Variants in WWTR1 observed in about 807,000 individuals in gnomAD.
The protein encoded by WWTR1 is WW domain containing transcription regulator 1.
WWTR1 carries 13 observed loss-of-function variants against 40.1 expected under a neutral mutation model. The observed-to-expected ratio is 0.32, with a 90% CI of 0.21 to 0.52. The LOEUF (loss-of-function observed/expected upper bound fraction) is 0.52. Ranked by LOEUF, WWTR1 falls within the 20% of genes least tolerant of loss-of-function variation. The pLI is 0.97. For synonymous variants in WWTR1, 230 were observed against 210.1 expected (o/e 1.09, Z -0.82); for missense variants, 436 against 523.1 (o/e 0.83, Z 1.63).
At chr3:149,685,377 A>C (rs1451799967) in intron 1 of WWTR1, among the ~76,000 whole-genome samples, 1 of 152,242 alleles carries the variant, frequency 6.6e-6, no homozygotes, top group Non-Finnish European at 1.5e-5. Flanking sequence ...TGCTGAGAGA[A>C]GCAGAAATGA....
At chr3:149,562,600 GACACACACACACACACACACAC>G (rs60366789) in intron 3 of WWTR1, among the ~76,000 whole-genome samples, 7 of 135,820 alleles carry the variant, frequency 5.2e-5, no homozygotes, top group African/African-American at 1.7e-4. Flanking sequence ...TTAAAATACA[GACACACACACACACACACACAC>G]ACACACACAC....
chr3:149,665,108 C>G (rs1435513009), intron 2 of WWTR1, among the ~76,000 whole-genome samples: 1 of 151,816 alleles, frequency 6.6e-6, no homozygotes, highest in Non-Finnish European at 1.5e-5. Context: ...TAAAAATACA[C>G]TTTTGAAAAG....
intron 6 of WWTR1, 100 bp from the exon 7 acceptor site, chr3:149,521,089 A>G: frequency 3.8e-6 from 5 of 1,324,550 alleles, no homozygotes; most frequent in Non-Finnish European, 5.1e-6. Context: ...CATGTCTTCA[A>G]CTACCACATT....
chr3:149,636,884 A>C (rs1377641456), intron 2 of WWTR1, among the ~76,000 whole-genome samples: 2 of 149,930 alleles, frequency 1.3e-5, no homozygotes, highest in South Asian at 4.3e-4. Context: ...GAATCACTTG[A>C]ACCCAGGGGG....
chr3:149,636,225 T>A (rs1348806252), intron 2 of WWTR1, among the ~76,000 whole-genome samples: 2 of 152,240 alleles, frequency 1.3e-5, no homozygotes, highest in Non-Finnish European at 2.9e-5. Flanking sequence ...TTCTGACATC[T>A]CTGTACTCAC....
At chr3:149,543,455 G>A (rs1241563826) in intron 3 of WWTR1, among the ~76,000 whole-genome samples, 1 of 151,574 alleles carries the variant, frequency 6.6e-6, no homozygotes, top group African/African-American at 2.4e-5. Context: ...GATGGTGCAT[G>A]CGTGTAGTCC....
chr3:149,542,795 G>A (rs1449681462), intron 3 of WWTR1, among the ~76,000 whole-genome samples: 1 of 152,124 alleles, frequency 6.6e-6, no homozygotes, highest in East Asian at 1.9e-4. Context: ...CCTGTCTAGA[G>A]TACATTTTAA....
At chr3:149,667,731 T>C (rs1447849896) in intron 2 of WWTR1, among the ~76,000 whole-genome samples, 3 of 152,108 alleles carry the variant, frequency 2.0e-5, no homozygotes, top group African/African-American at 7.2e-5. Context: ...TAGGACTACA[T>C]GGGCACTAAC....
rs1033117861 is a variant in WWTR1, at chr3:149,720,650, C to CA, written n.460-3085dup. On this transcript the variant is annotated intron_variant and non_coding_transcript_variant, in intron 4 of 6. Transcript: ENST00000474080. ...ATTAAGATTTGTTTTCCTATTTTTG[C>CA]AAAAAAAAAACCTACTTGTTTGATA... 1.4e-3 allele frequency among the ~76,000 whole-genome samples: 203 copies of CA among 144,336 alleles called. 1 individual carries two copies. Among genetic ancestry groups the CA allele is most frequent in the African/African-American group, 3.8e-3 (149 of 39,488 alleles). The allele number at this position is 144,336 out of a possible 152,430, so 94.7% of individuals were successfully genotyped here.
intron 2 of WWTR1, among the ~76,000 whole-genome samples, chr3:149,592,840 T>A (rs1738797520): frequency 6.6e-6 from 1 of 152,114 alleles, no homozygotes; most frequent in African/African-American, 2.4e-5. Context: ...CTCCTCTCCA[T>A]CCCTTTGAAA....
chr3:149,724,499 TAA>T lies in WWTR1; in HGVS notation n.323+201_323+202del, dbSNP rs11382942. 3.3e-4 allele frequency among the ~76,000 whole-genome samples: 48 copies of T among 146,426 alleles called. No homozygotes were observed. In the Middle Eastern group the frequency reaches 0.011, roughly 32 times the overall value. On this transcript the variant is annotated intron_variant and non_coding_transcript_variant, in intron 3 of 6. Coordinates refer to the WWTR1 transcript ENST00000474080. ...CGTCCACCCTACCCCCCAGACTCCT[TAA>T]AAAAAAAAAAAGGCAGTTTTTAATC...
intron 2 of WWTR1, among the ~76,000 whole-genome samples, chr3:149,633,884 G>A (rs982095167): frequency 1.3e-5 from 2 of 152,124 alleles, no homozygotes; most frequent in Non-Finnish European, 2.9e-5. Context: ...AGAGGTTTAG[G>A]AACCAGGCAG....
upstream of WWTR1, among the ~76,000 whole-genome samples, chr3:149,704,294 T>C (rs1173951902): frequency 6.6e-6 from 1 of 152,090 alleles, no homozygotes; most frequent in Non-Finnish European, 1.5e-5. Context: ...AGCTAAAAAA[T>C]AGGATACTTT....
intron 2 of WWTR1, among the ~76,000 whole-genome samples, chr3:149,604,875 T>TG: frequency 6.6e-6 from 1 of 152,324 alleles, no homozygotes; most frequent in Admixed American, 6.5e-5. Flanking sequence ...AGCCATACGT[T>TG]CTGCATTCTT....
intron 2 of WWTR1, among the ~76,000 whole-genome samples, chr3:149,575,152 G>A (rs1452415688): frequency 2.0e-5 from 3 of 151,928 alleles, no homozygotes; most frequent in Admixed American, 1.3e-4. Flanking sequence ...ATTTCCCTAA[G>A]TATAAAGTAA....
intron 1 of WWTR1, among the ~76,000 whole-genome samples, chr3:149,689,380 C>CAAAAAAAAAAAAAAAAAAAAAACA (rs3044083): frequency 2.7e-5 from 1 of 36,696 alleles, no homozygotes; most frequent in Non-Finnish European, 4.5e-5. Context: ...GAACCTATCT[C>CAAAAAAAAAAAAAAAAAAAAAACA]AAAAAAAAAA....
intron 3 of WWTR1, among the ~76,000 whole-genome samples, chr3:149,571,199 ATTTTTTTTTCTTTTCTTTTT>A (rs1737605884): frequency 7.3e-6 from 1 of 137,804 alleles, no homozygotes; most frequent in African/African-American, 2.7e-5. Context: ...AAGTGTTTGA[ATTTTTTTTTCTTTTCTTTTT>A]TTTTTTTTTT....
Position 149,572,853 on chromosome 3 carries a change from T to G in WWTR1, c.568+11A>C, listed in dbSNP as rs759760872. ...ATATCTTTTTTAATTTTAAAAAAGC[T>G]TGAGGCTTACCGAGATTTGGCTGGG... On this transcript the variant is annotated intron_variant, in intron 3 of 6. Coordinates refer to ENST00000360632, the MANE Select transcript of WWTR1 (RefSeq NM_015472.6). The G allele has an allele frequency of 1.9e-6, 3 of 1,613,346 alleles. No individual in the cohort carries two copies. Among genetic ancestry groups the G allele is most frequent in the Non-Finnish European group, 2.5e-6 (3 of 1,179,910 alleles).
At chr3:149,598,177 T>C (rs749401827) in intron 2 of WWTR1, among the ~76,000 whole-genome samples, 8 of 152,154 alleles carry the variant, frequency 5.3e-5, no homozygotes. Flanking sequence ...ACATTACCTG[T>C]CTCCTAGCAG....
Sources: gnomAD v4.1 joint callset for allele counts (sites outside exome capture counted in the v4.1 genomes callset) on GRCh38, gnomAD v4.1.1 for gene constraint, MANE v1.5 for transcripts, NCBI Gene and HGNC (gene_info 2026-07-23, HGNC 2026-07-21) for gene names.